DAPK2: variants seen among roughly 807,000 people sequenced by gnomAD.
The protein encoded by DAPK2 is death-associated protein kinase 2.
DAPK2 carries 35 observed loss-of-function variants against 44.1 expected under a neutral mutation model. The observed-to-expected ratio is 0.79, with a 90% CI of 0.61 to 1.05. The LOEUF (loss-of-function observed/expected upper bound fraction) is 1.05. Among genes scored for constraint, DAPK2 ranks in the 50% least tolerant of loss-of-function variants. DAPK2 has a pLI of 0.00. For missense variants in DAPK2, 453 were observed against 483.2 expected, an observed-to-expected ratio of 0.94 and a Z score of 0.59; for synonymous variants, 174 against 182.6, an observed-to-expected ratio of 0.95 and a Z score of 0.38.
intron 6 of DAPK2, among the ~76,000 whole-genome samples, chr15:63,927,368 C>T (rs1032604645): frequency 6.6e-6 from 1 of 152,192 alleles, no homozygotes; most frequent in African/African-American, 2.4e-5. Context: ...TTTCCTCAGC[C>T]AGCACAGCCC....
At chr15:64,016,651 G>A (rs2079533432) in intron 1 of DAPK2, among the ~76,000 whole-genome samples, 1 of 152,026 alleles carries the variant, frequency 6.6e-6, no homozygotes, top group Non-Finnish European at 1.5e-5. Flanking sequence ...AAATTAGCCG[G>A]GCATGTTTGC....
At chr15:63,993,364 A>T (rs2078866686) in intron 1 of DAPK2, among the ~76,000 whole-genome samples, 1 of 152,196 alleles carries the variant, frequency 6.6e-6, no homozygotes, top group African/African-American at 2.4e-5. Flanking sequence ...GATTCACATT[A>T]AACAGGTGGC....
At chr15:63,987,081 T>C (rs2140884884) in intron 1 of DAPK2, among the ~76,000 whole-genome samples, 1 of 152,272 alleles carries the variant, frequency 6.6e-6, no homozygotes, top group Middle Eastern at 3.4e-3. Flanking sequence ...GTGTTATGAA[T>C]ATGCAAATCA....
chr15:63,985,804 A>G (rs1158738858), intron 1 of DAPK2, among the ~76,000 whole-genome samples: 2 of 152,166 alleles, frequency 1.3e-5, no homozygotes, highest in Non-Finnish European at 1.5e-5. Flanking sequence ...CCTTCCTCTT[A>G]TGAGGGAAAC....
chr15:64,043,869 A>G (rs2080400911), upstream of DAPK2, among the ~76,000 whole-genome samples: 1 of 152,172 alleles, frequency 6.6e-6, no homozygotes, highest in Admixed American at 6.5e-5. Flanking sequence ...CCCTTGTCGT[A>G]GGCTAGTACA....
rs375180876 is a variant in DAPK2 at position 63,983,767 on chromosome 15, A to C, written c.93-13T>G. 198 of 1,606,026 alleles carry C rather than the reference A, an allele frequency of 1.2e-4. No homozygotes were observed. The highest frequency in any genetic ancestry group is 1.1e-3 in the South Asian group (102 of 90,854). On this transcript the variant is annotated splice_polypyrimidine_tract_variant and intron_variant, in intron 1 of 10. Transcript: ENST00000261891. ...GGCAAACTGGCCACTGTGGGGACACAGACCCACAAGATTAGGTCATCACTG... is the reference window on the plus strand; with the variant it reads ...GGCAAACTGGCCACTGTGGGGACACCGACCCACAAGATTAGGTCATCACTG...
intron 2 of DAPK2, among the ~76,000 whole-genome samples, chr15:63,982,800 T>C (rs1387898675): frequency 6.6e-6 from 1 of 152,328 alleles, no homozygotes; most frequent in East Asian, 1.9e-4. Context: ...CCTCTCAGTG[T>C]TCTTGTCTGT....
chr15:64,001,037 G>T (rs549436209), intron 1 of DAPK2, among the ~76,000 whole-genome samples: 1 of 151,842 alleles, frequency 6.6e-6, no homozygotes, highest in South Asian at 2.1e-4. Flanking sequence ...GTGCCACCAC[G>T]CCCAGCTAAT....
At chr15:63,983,470 T>G in intron 2 of DAPK2, 63 bp downstream of exon 3, 6 of 1,517,090 alleles carry the variant, frequency 4.0e-6, no homozygotes, top group Non-Finnish European at 1.8e-6. Flanking sequence ...GTGGCTGGAG[T>G]TTCCACTGCT....
chr15:64,040,444 T>C (rs2080322336), upstream of DAPK2, among the ~76,000 whole-genome samples: 1 of 152,140 alleles, frequency 6.6e-6, no homozygotes. Context: ...TGATGATGTA[T>C]GGTTCTTATT....
intron 1 of DAPK2, among the ~76,000 whole-genome samples, chr15:64,022,119 A>C (rs1049078685): frequency 4.6e-5 from 7 of 152,192 alleles, no homozygotes; most frequent in Admixed American, 3.9e-4. Context: ...AACACAAACC[A>C]CAGGCATAGA....
intron 3 of DAPK2, among the ~76,000 whole-genome samples, chr15:63,944,412 C>A (rs2077397354): frequency 6.6e-6 from 1 of 152,176 alleles, no homozygotes; most frequent in South Asian, 2.1e-4. Flanking sequence ...GGGATTTGGG[C>A]CCCTAAACCT....
chr15:64,017,314 T>A (rs2079557636), intron 1 of DAPK2, among the ~76,000 whole-genome samples: 1 of 152,228 alleles, frequency 6.6e-6, no homozygotes, highest in South Asian at 2.1e-4. Context: ...AGTGTCTATC[T>A]ACCCTGCTGC....
intron 1 of DAPK2, among the ~76,000 whole-genome samples, chr15:64,022,642 G>T (rs1435386723): frequency 6.6e-6 from 1 of 152,114 alleles, no homozygotes; most frequent in Non-Finnish European, 1.5e-5. Flanking sequence ...ATGGTGAGAT[G>T]CCGTCTCTAC....
chr15:63,913,384 T>C (rs2078845680), intron 8 of DAPK2, among the ~76,000 whole-genome samples: 1 of 152,234 alleles, frequency 6.6e-6, no homozygotes, highest in African/African-American at 2.4e-5. Context: ...TAAAATTTAG[T>C]ATGTATGTAC....
chr15:64,024,325 C>T (rs1370529692), intron 1 of DAPK2, among the ~76,000 whole-genome samples: 1 of 152,142 alleles, frequency 6.6e-6, no homozygotes, highest in Non-Finnish European at 1.5e-5. Flanking sequence ...CCTCGAGTTG[C>T]AAGGGCCTAG....
upstream of DAPK2, among the ~76,000 whole-genome samples, chr15:64,045,030 C>T (rs528780736): frequency 4.6e-5 from 7 of 152,230 alleles, no homozygotes; most frequent in African/African-American, 1.7e-4. Context: ...AGGTCAGCCA[C>T]CTGCCTGAGT....
At chr15:63,909,355 A>C (rs774638194) in intron 10 of DAPK2, 17 of 150,408 alleles carry the variant, frequency 1.1e-4, no homozygotes, top group Non-Finnish European at 8.9e-5. Context: ...TTTTTTAAGG[A>C]AAGTCCCTTT....
rs1183031003 is a variant in DAPK2, at chr15:63,960,347, T to A, written c.453+11076A>T. ...TTGAAGGGTTTTTTGTGTCTCTATC[T>A]CCTTCAGTTCTGCTCTGATCTTAGT... On this transcript the variant is annotated intron_variant, in intron 3 of 10. Coordinates refer to ENST00000261891, the Ensembl canonical transcript of DAPK2. Among the ~76,000 whole-genome samples, 19 of 152,226 alleles carry A rather than the reference T, an allele frequency of 1.2e-4. 1 individual carries two copies. Among genetic ancestry groups the A allele is most frequent in the Admixed American group, 1.2e-3 (19 of 15,282 alleles).
Sources: gnomAD v4.1 joint callset for allele counts (sites outside exome capture counted in the v4.1 genomes callset) on GRCh38, gnomAD v4.1.1 for gene constraint, MANE v1.5 for transcripts, NCBI Gene and HGNC (gene_info 2026-07-23, HGNC 2026-07-21) for gene names.